Variants in RAB2A observed in about 807,000 individuals in gnomAD.
RAB2A encodes the protein RAB2A, member RAS oncogene family.
Under a neutral mutation model 32.5 loss-of-function variants are expected in RAB2A, and 7 were observed. The observed-to-expected ratio is 0.22, with a 90% CI of 0.12 to 0.40. The LOEUF is 0.40. Ranked by LOEUF, RAB2A falls within the 10% of genes least tolerant of loss-of-function variation. The probability of loss-of-function intolerance (pLI) is 1.00; values close to 1 mark genes in which losing one functional copy is unlikely to be tolerated. For synonymous variants in RAB2A, 79 were observed against 85.2 expected (o/e 0.93, Z 0.40); for missense variants, 108 against 260.7 (o/e 0.41, Z 4.03).
intron 1 of RAB2A, among the ~76,000 whole-genome samples, chr8:60,535,465 T>A (rs1390706891): frequency 6.6e-6 from 1 of 152,216 alleles, no homozygotes; most frequent in Non-Finnish European, 1.5e-5. Context: ...TCTACAACTT[T>A]ATTTTTTTCA....
chr8:60,598,304 C>T (rs781030472), intron 6 of RAB2A, among the ~76,000 whole-genome samples: 1 of 152,146 alleles, frequency 6.6e-6, no homozygotes, highest in Non-Finnish European at 1.5e-5. Context: ...GGTTTCACTG[C>T]GGAATTCTAC....
intron 2 of RAB2A, among the ~76,000 whole-genome samples, chr8:60,564,219 G>A (rs1183308673): frequency 6.6e-6 from 1 of 152,172 alleles, no homozygotes; most frequent in African/African-American, 2.4e-5. Flanking sequence ...GAGGCAAGTA[G>A]AAGAGGATTT....
At chr8:60,618,444 A>G (rs965310449) in intron 6 of RAB2A, 136 bp from the exon 7 acceptor site, 9 of 316,602 alleles carry the variant, frequency 2.8e-5, no homozygotes, top group Non-Finnish European at 4.3e-5. Flanking sequence ...TGTTATTAAT[A>G]TCTTTGTTCT....
rs1396241422 is a variant in RAB2A, at chr8:60,621,554, G to GA, written c.*791dup. 1.3e-5 allele frequency: 2 copies of GA among 151,998 alleles called. No individual in the cohort carries two copies. The highest frequency in any genetic ancestry group is 1.5e-5 in the Non-Finnish European group (1 of 67,990). 9.4% of individuals were successfully genotyped at this position (151,998 alleles called of 1,614,324 possible). ...TGTTTGCCTTAATGAATACTGTTGG[G>GA]AAAAAACACAGTATAATGAGTGAAA... is the stretch of plus-strand genomic sequence containing the variant. On this transcript the variant is annotated 3_prime_UTR_variant, in exon 8 of 8. Transcript: ENST00000262646.
At chr8:60,549,208 C>A (rs1045380684) in intron 1 of RAB2A, among the ~76,000 whole-genome samples, 1 of 151,988 alleles carries the variant, frequency 6.6e-6, no homozygotes, top group Admixed American at 6.5e-5. Flanking sequence ...GGCGGCCAGG[C>A]GGAGACGCTC....
chr8:60,602,102 T>C (rs1354096355), intron 6 of RAB2A, among the ~76,000 whole-genome samples: 1 of 151,864 alleles, frequency 6.6e-6, no homozygotes, highest in Non-Finnish European at 1.5e-5. Context: ...GGTCTCAGAC[T>C]CCTGGGTTCA....
intron 6 of RAB2A, among the ~76,000 whole-genome samples, chr8:60,604,165 T>A (rs1804185679): frequency 6.6e-6 from 1 of 152,204 alleles, no homozygotes. Flanking sequence ...CCTGCTGTGG[T>A]CACGTGAAGT....
chr8:60,526,115 A>G (rs898235966), intron 1 of RAB2A, among the ~76,000 whole-genome samples: 11 of 149,672 alleles, frequency 7.3e-5, no homozygotes, highest in Non-Finnish European at 1.6e-4. Flanking sequence ...AACAACATGA[A>G]TTTATCTTAC....
At chr8:60,525,819 G>T (rs1434358866) in intron 1 of RAB2A, among the ~76,000 whole-genome samples, 3 of 151,394 alleles carry the variant, frequency 2.0e-5, no homozygotes, top group South Asian at 4.2e-4. Context: ...GGTTCTGCTG[G>T]GTAGGCTGCA....
Position 60,585,586 on chromosome 8 carries a change from T to C in RAB2A, c.362+771T>C, listed in dbSNP as rs574198008. Among the ~76,000 whole-genome samples, 6 of 152,290 alleles carry C rather than the reference T, an allele frequency of 3.9e-5. No homozygotes were observed. The East Asian group carries it at 1.2e-3, about 29-fold the overall frequency. ...CCTGGGCCTCCAAAAGTACTGGGATTATAGGCATAAGCCACCACACCCGGC... is the reference window on the plus strand; with the variant it reads ...CCTGGGCCTCCAAAAGTACTGGGATCATAGGCATAAGCCACCACACCCGGC... On this transcript the variant is annotated intron_variant, in intron 5 of 7. Transcript: ENST00000262646.
At chr8:60,517,321 G>C (rs1807221530) in intron 1 of RAB2A, 68 bp downstream of exon 1, 1 of 1,358,072 alleles carries the variant, frequency 7.4e-7, no homozygotes, top group African/African-American at 1.5e-5. Flanking sequence ...GGCAAACGGC[G>C]TCTGGCGGTG....
intron 6 of RAB2A, among the ~76,000 whole-genome samples, chr8:60,594,803 G>T (rs1386585138): frequency 6.6e-6 from 1 of 152,206 alleles, no homozygotes; most frequent in South Asian, 2.1e-4. Flanking sequence ...CTCTGCAAAG[G>T]ACATGAACTC....
chr8:60,619,075 G>A (rs1586120127), intron 7 of RAB2A: 1 of 152,188 alleles, frequency 6.6e-6, no homozygotes, highest in Non-Finnish European at 1.5e-5. Context: ...GCAGGAAAGA[G>A]GGAAATACCA....
chr8:60,526,777 T>G (rs1372986999), intron 1 of RAB2A, among the ~76,000 whole-genome samples: 1 of 152,070 alleles, frequency 6.6e-6, no homozygotes, highest in Non-Finnish European at 1.5e-5. Context: ...GAGACCAGCC[T>G]GGGCAACACG....
chr8:60,613,508 G>A (rs1804396911), intron 6 of RAB2A, among the ~76,000 whole-genome samples: 1 of 152,058 alleles, frequency 6.6e-6, no homozygotes, highest in Non-Finnish European at 1.5e-5. Context: ...CATTAAAAAA[G>A]CACATATTTC....
chr8:60,596,903 A>G (rs1210919436), intron 6 of RAB2A, among the ~76,000 whole-genome samples: 1 of 152,168 alleles, frequency 6.6e-6, no homozygotes, highest in Non-Finnish European at 1.5e-5. Context: ...CCTCGGCGAC[A>G]GAGTGAGACT....
chr8:60,566,995 A>G (rs1808124766), intron 2 of RAB2A, among the ~76,000 whole-genome samples: 1 of 152,150 alleles, frequency 6.6e-6, no homozygotes, highest in Non-Finnish European at 1.5e-5. Context: ...GTGGCCTCAC[A>G]CCATTAATTA....
chr8:60,559,275 A>G (rs1204845925), intron 2 of RAB2A: 1 of 223,218 alleles, frequency 4.5e-6, no homozygotes, highest in Admixed American at 5.3e-5. Context: ...TTGCTGTGCA[A>G]GCCATTTCCC....
At chr8:60,604,709 C>T (rs531951566) in intron 6 of RAB2A, among the ~76,000 whole-genome samples, 15 of 152,064 alleles carry the variant, frequency 9.9e-5, no homozygotes, top group Non-Finnish European at 1.5e-4. Flanking sequence ...AGATATCTGG[C>T]GGAAAAATTA....
Sources: allele counts gnomAD v4.1 joint callset (sites outside exome capture counted in the v4.1 genomes callset), GRCh38; gene constraint gnomAD v4.1.1; transcripts MANE v1.5; gene names NCBI Gene and HGNC (gene_info 2026-07-23, HGNC 2026-07-21).